Variants in STK33 observed in about 807,000 individuals in gnomAD.
STK33 encodes serine/threonine-protein kinase 33.
STK33 carries 52 observed loss-of-function variants against 58.0 expected under a neutral mutation model. The ratio of observed to expected loss-of-function variants is 0.90; its 90% confidence interval spans 0.72 to 1.13. The LOEUF (loss-of-function observed/expected upper bound fraction) is 1.13, where lower values mean the gene tolerates loss of function less well. STK33 is among the 50% of genes most tolerant of loss of function. STK33 has a pLI of 0.00. For missense variants in STK33, 630 were observed against 604.2 expected (o/e 1.04, Z -0.45); for synonymous variants, 215 against 200.1 (o/e 1.07, Z -0.63).
At chr11:8,473,720 T>G (rs1341452618) in intron 5 of STK33, among the ~76,000 whole-genome samples, 1 of 152,170 alleles carries the variant, frequency 6.6e-6, no homozygotes, top group Non-Finnish European at 1.5e-5. Flanking sequence ...CATATGGCAG[T>G]AACTATATGA....
the STK33 span, among the ~76,000 whole-genome samples, chr11:8,362,564 G>A: frequency 6.6e-6 from 1 of 152,214 alleles, no homozygotes; most frequent in East Asian, 1.9e-4. Context: ...TCTTAGCAAT[G>A]TCTTTGGGGT....
intron 1 of STK33, among the ~76,000 whole-genome samples, chr11:8,531,027 A>G (rs1954499434): frequency 6.6e-6 from 1 of 152,228 alleles, no homozygotes; most frequent in Admixed American, 6.5e-5. Flanking sequence ...AAGATGAAAA[A>G]GAAAATTAGT....
chr11:8,352,587 T>G, the STK33 span, among the ~76,000 whole-genome samples: 173 of 152,154 alleles, frequency 1.1e-3, no homozygotes, highest in Non-Finnish European at 3.1e-4. Flanking sequence ...CAGCATCCAG[T>G]GTAAAAGAAA....
At chr11:8,463,607 C>G (rs1947832380) in intron 7 of STK33, among the ~76,000 whole-genome samples, 1 of 152,148 alleles carries the variant, frequency 6.6e-6, no homozygotes, top group Non-Finnish European at 1.5e-5. Context: ...CCCAATTTCT[C>G]CTAATATCCA....
At chr11:8,543,410 T>C (rs1955673718) in intron 1 of STK33, among the ~76,000 whole-genome samples, 1 of 152,230 alleles carries the variant, frequency 6.6e-6, no homozygotes. Context: ...AAATACTCTT[T>C]AGAAAATACT....
At chr11:8,395,729 G>C (rs957926916) in intron 15 of STK33, among the ~76,000 whole-genome samples, 2 of 152,078 alleles carry the variant, frequency 1.3e-5, no homozygotes, top group Non-Finnish European at 2.9e-5. Context: ...TGAACACTCA[G>C]GTTTGTTTCC....
intron 7 of STK33, among the ~76,000 whole-genome samples, chr11:8,463,652 T>A (rs1169675714): frequency 6.6e-6 from 1 of 152,222 alleles, no homozygotes; most frequent in African/African-American, 2.4e-5. Flanking sequence ...CCCAAATGGC[T>A]TGGCCTGAAT....
intron 1 of STK33, among the ~76,000 whole-genome samples, chr11:8,481,017 C>G (rs1235488901): frequency 6.6e-6 from 1 of 152,114 alleles, no homozygotes; most frequent in African/African-American, 2.4e-5. Context: ...TCCTCTACGT[C>G]AAACATTCTC....
At chr11:8,504,809 AAAAT>A (rs1359320359) in intron 1 of STK33, among the ~76,000 whole-genome samples, 1 of 152,102 alleles carries the variant, frequency 6.6e-6, no homozygotes, top group Non-Finnish European at 1.5e-5. Flanking sequence ...AAAAAAAAGG[AAAAT>A]AAATAAATTA....
chr11:8,385,467 T>A, the STK33 span, among the ~76,000 whole-genome samples: 1 of 152,182 alleles, frequency 6.6e-6, no homozygotes, highest in East Asian at 1.9e-4. Context: ...GCCTAAAACA[T>A]CCCTCCCCGG....
intron 1 of STK33, among the ~76,000 whole-genome samples, chr11:8,583,999 C>T (rs1303300998): frequency 1.3e-5 from 2 of 151,348 alleles, no homozygotes; most frequent in Non-Finnish European, 2.9e-5. Context: ...GCTCAAAAAG[C>T]TAAAATGCTG....
intron 1 of STK33, among the ~76,000 whole-genome samples, chr11:8,494,422 C>A (rs912236809): frequency 2.0e-5 from 3 of 152,154 alleles, no homozygotes; most frequent in African/African-American, 4.8e-5. Flanking sequence ...GAACTACAAA[C>A]CACTGCTCAA....
intron 1 of STK33, among the ~76,000 whole-genome samples, chr11:8,542,146 G>A (rs1565318355): frequency 6.6e-6 from 1 of 152,108 alleles, no homozygotes; most frequent in African/African-American, 2.4e-5. Context: ...GAAATAGTAG[G>A]TTCTTTGATT....
intron 1 of STK33, among the ~76,000 whole-genome samples, chr11:8,490,371 G>A (rs1019678863): frequency 2.0e-5 from 3 of 152,186 alleles, no homozygotes; most frequent in Non-Finnish European, 2.9e-5. Flanking sequence ...GGGGAGGGGC[G>A]TCCACCATTG....
intron 1 of STK33, among the ~76,000 whole-genome samples, chr11:8,542,941 G>A (rs1370290206): frequency 6.6e-6 from 1 of 152,028 alleles, no homozygotes; most frequent in Non-Finnish European, 1.5e-5. Flanking sequence ...GAACTCCTGG[G>A]CTCAAGCAAT....
intron 1 of STK33, among the ~76,000 whole-genome samples, chr11:8,517,425 T>C (rs1952903546): frequency 6.6e-6 from 1 of 152,182 alleles, no homozygotes; most frequent in Non-Finnish European, 1.5e-5. Context: ...TCAGAGTGCC[T>C]CTTCTCCTCC....
chr11:8,575,533 T>C (rs1418402695), intron 1 of STK33, among the ~76,000 whole-genome samples: 1 of 152,114 alleles, frequency 6.6e-6, no homozygotes, highest in African/African-American at 2.4e-5. Context: ...TTATATGAAA[T>C]AGCTAAAATA....
chr11:8,578,836 G>A (rs548160653), intron 1 of STK33, among the ~76,000 whole-genome samples: 1 of 151,926 alleles, frequency 6.6e-6, no homozygotes. Context: ...AAGAAAATCT[G>A]GGTTTAAGTC....
intron 15 of STK33, among the ~76,000 whole-genome samples, chr11:8,411,608 G>A (rs762189094): frequency 3.3e-5 from 5 of 152,114 alleles, no homozygotes; most frequent in Admixed American, 6.6e-5. Flanking sequence ...GGACATCAAG[G>A]GAAGACAAGC....
Sources: allele counts gnomAD v4.1 joint callset (sites outside exome capture counted in the v4.1 genomes callset), GRCh38; gene constraint gnomAD v4.1.1; transcripts MANE v1.5; gene names NCBI Gene and HGNC (gene_info 2026-07-23, HGNC 2026-07-21).